XXYLT1: variants seen among roughly 807,000 people sequenced by gnomAD.
XXYLT1 encodes xyloside xylosyltransferase 1.
XXYLT1 carries 20 observed loss-of-function variants against 28.9 expected under a neutral mutation model. The observed-to-expected ratio is 0.69, with a 90% CI of 0.49 to 1.00. The LOEUF is 1.00. Ranked by LOEUF, XXYLT1 falls within the 50% of genes least tolerant of loss-of-function variation. The pLI, the probability that XXYLT1 is intolerant of heterozygous loss-of-function variation, is 0.00. For missense variants in XXYLT1, 542 were observed against 560.1 expected, an observed-to-expected ratio of 0.97 and a Z score of 0.33; for synonymous variants, 257 against 253.8, an observed-to-expected ratio of 1.01 and a Z score of -0.12.
At chr3:195,160,062 T>C (rs2108688814) in intron 2 of XXYLT1, among the ~76,000 whole-genome samples, 1 of 150,112 alleles carries the variant, frequency 6.7e-6, no homozygotes, top group Middle Eastern at 3.4e-3. Flanking sequence ...TAATTAATGA[T>C]ACCCAAAAAT....
chr3:195,177,426 A>G (rs1721724635), intron 2 of XXYLT1, among the ~76,000 whole-genome samples: 1 of 152,214 alleles, frequency 6.6e-6, no homozygotes, highest in Non-Finnish European at 1.5e-5. Context: ...AGAGAAAGAT[A>G]CTTACCAGGC....
intron 3 of XXYLT1, among the ~76,000 whole-genome samples, chr3:195,116,449 G>T (rs11718466): frequency 0.014 from 2,076 of 152,290 alleles, 24 homozygotes; most frequent in Non-Finnish European, 0.022. Context: ...TTTGAGTAGT[G>T]AGACTTGAAG....
chr3:195,169,676 C>T (rs1306891159), intron 2 of XXYLT1, among the ~76,000 whole-genome samples: 1 of 152,058 alleles, frequency 6.6e-6, no homozygotes, highest in Non-Finnish European at 1.5e-5. Context: ...AAAGGAGCGA[C>T]TGTATTTTAA....
intron 2 of XXYLT1, among the ~76,000 whole-genome samples, chr3:195,186,852 C>A (rs955766757): frequency 6.6e-6 from 1 of 151,558 alleles, no homozygotes; most frequent in Admixed American, 6.6e-5. Context: ...CTGGTGATAA[C>A]CTCTCCACGG....
chr3:195,252,790 C>A (rs1291541313), intron 1 of XXYLT1, among the ~76,000 whole-genome samples: 2 of 147,804 alleles, frequency 1.4e-5, no homozygotes, highest in Non-Finnish European at 3.0e-5. Flanking sequence ...GTGAAAAAAA[C>A]AGAAACTCAC....
chr3:195,186,360 C>A (rs1471856856), intron 2 of XXYLT1, among the ~76,000 whole-genome samples: 1 of 152,204 alleles, frequency 6.6e-6, no homozygotes, highest in Non-Finnish European at 1.5e-5. Context: ...CCAGTGGTTG[C>A]AAATCCCACT....
At chr3:195,259,238 A>G (rs1725589254) in intron 1 of XXYLT1, among the ~76,000 whole-genome samples, 1 of 152,232 alleles carries the variant, frequency 6.6e-6, no homozygotes, top group Non-Finnish European at 1.5e-5. Flanking sequence ...AATAAAACCA[A>G]TGGCCTTAAT....
chr3:195,097,072 A>G (rs1228045641), intron 3 of XXYLT1, among the ~76,000 whole-genome samples: 1 of 152,156 alleles, frequency 6.6e-6, no homozygotes, highest in Non-Finnish European at 1.5e-5. Flanking sequence ...CTCTGCTGGG[A>G]CTTCCCATGT....
intron 2 of XXYLT1, chr3:195,207,322 G>C (rs777238912): frequency 6.0e-5 from 22 of 367,348 alleles, no homozygotes; most frequent in Middle Eastern, 3.8e-4. Flanking sequence ...CCACACGTCT[G>C]GCTGGGCAGG....
chr3:195,246,891 C>T (rs1054290850), intron 1 of XXYLT1, among the ~76,000 whole-genome samples: 21 of 152,218 alleles, frequency 1.4e-4, no homozygotes, highest in Non-Finnish European at 4.4e-5. Flanking sequence ...CGGCGCCACT[C>T]GCCACCTGCC....
intron 2 of XXYLT1, among the ~76,000 whole-genome samples, chr3:195,225,404 C>A (rs1050060103): frequency 1.3e-5 from 2 of 152,154 alleles, no homozygotes; most frequent in Non-Finnish European, 2.9e-5. Flanking sequence ...CAACAGGAAC[C>A]GAGCTTCAAC....
At chr3:195,120,513 G>A (rs999370413) in intron 3 of XXYLT1, among the ~76,000 whole-genome samples, 3 of 152,146 alleles carry the variant, frequency 2.0e-5, no homozygotes, top group Non-Finnish European at 2.9e-5. Flanking sequence ...AGCAAGCATT[G>A]AGCACAGTGC....
Position 195,162,084 on chromosome 3 carries a change from G to A in XXYLT1, c.653-5503C>T, listed in dbSNP as rs148126443. Among the ~76,000 whole-genome samples the A allele has an allele frequency of 4.1e-3, 608 of 149,114 alleles. 6 individuals carry two copies. The highest frequency in any genetic ancestry group is 0.014 in the African/African-American group (576 of 39,954). Reference sequence around the variant, plus strand: ...AGCCTGGGTGACCGGGTGACCAAGTGAGGCCCTGTTTCAAAAAAAAAAAAA... The same window carrying A: ...AGCCTGGGTGACCGGGTGACCAAGTAAGGCCCTGTTTCAAAAAAAAAAAAA... On this transcript the variant is annotated intron_variant, in intron 2 of 3. Coordinates refer to ENST00000310380, the MANE Select transcript of XXYLT1 (RefSeq NM_152531.5).
chr3:195,120,873 C>G (rs568303361), intron 3 of XXYLT1, among the ~76,000 whole-genome samples: 1 of 152,234 alleles, frequency 6.6e-6, no homozygotes. Flanking sequence ...GGCCAGCCCC[C>G]GCCCTGTTCC....
chr3:195,185,458 C>T (rs1449639554), intron 2 of XXYLT1, among the ~76,000 whole-genome samples: 1 of 150,530 alleles, frequency 6.6e-6, no homozygotes, highest in Non-Finnish European at 1.5e-5. Context: ...ATTTTGGGGT[C>T]CTGCTTCAGG....
rs376430305 is a variant in XXYLT1 at position 195,209,747 on chromosome 3, C to T, written c.652+16962G>A. The T allele has an allele frequency of 3.3e-5, 5 of 152,722 alleles. No homozygotes were observed. Among genetic ancestry groups the T allele is most frequent in the Admixed American group, 6.5e-5 (1 of 15,290 alleles). 9.5% of individuals were successfully genotyped at this position (152,722 alleles called of 1,614,324 possible). A position where few individuals can be genotyped will look rare whatever the true frequency, so the allele number is the denominator to read the frequency against. On this transcript the variant is annotated intron_variant, in intron 2 of 3. Transcript: ENST00000310380. This position sits in a 1 kb window ranked among gnomAD's most constrained non-coding sequence, Gnocchi z 5.0. ...CAGGCAAGGGGAGGCCGGGCCCACA[C>T]CCTGCAGCCCACTCTCTCTGGAGGC...
At chr3:195,196,466 G>A (rs1016314312) in intron 2 of XXYLT1, among the ~76,000 whole-genome samples, 1 of 152,148 alleles carries the variant, frequency 6.6e-6, no homozygotes, top group Non-Finnish European at 1.5e-5. Context: ...TAGTACCCCT[G>A]GGGCAATAGG....
intron 2 of XXYLT1, among the ~76,000 whole-genome samples, chr3:195,179,727 G>A (rs748910923): frequency 7.9e-5 from 12 of 151,970 alleles, no homozygotes; most frequent in Non-Finnish European, 1.5e-4. Context: ...TTTCTAACTG[G>A]GAACTCAATT....
intron 3 of XXYLT1, among the ~76,000 whole-genome samples, chr3:195,109,271 T>C (rs1013691557): frequency 1.3e-5 from 2 of 152,148 alleles, no homozygotes; most frequent in Non-Finnish European, 2.9e-5. Context: ...TCACTATAGC[T>C]GAACACCTTG....
Sources: gnomAD v4.1 joint callset for allele counts (sites outside exome capture counted in the v4.1 genomes callset) on GRCh38, gnomAD v4.1.1 for gene constraint, Gnocchi (gnomAD v3.1) non-coding constraint, MANE v1.5 for transcripts, NCBI Gene and HGNC (gene_info 2026-07-23, HGNC 2026-07-21) for gene names.